The following JAZF1 variants were observed in gnomAD, a reference collection of about 807,000 sequenced individuals.
JAZF1 encodes JAZF zinc finger 1.
A neutral mutation model predicts 26.4 loss-of-function variants in JAZF1; 8 were observed. The observed-to-expected ratio is 0.30, with a 90% CI of 0.18 to 0.55. The LOEUF is 0.55. JAZF1 is among the 20% of genes least tolerant of loss of function. JAZF1 has a pLI of 0.94. For missense variants in JAZF1, 199 were observed against 322.0 expected, an observed-to-expected ratio of 0.62 and a Z score of 2.92; for synonymous variants, 126 against 122.3, an observed-to-expected ratio of 1.03 and a Z score of -0.20.
intron 1 of JAZF1, among the ~76,000 whole-genome samples, chr7:28,136,668 CAG>C (rs1782891050): frequency 6.6e-6 from 1 of 152,226 alleles, no homozygotes; most frequent in Non-Finnish European, 1.5e-5. Flanking sequence ...AGATGAATAA[CAG>C]AGTCTTTGTC....
At chr7:27,927,412 C>G (rs934167493) in intron 2 of JAZF1, among the ~76,000 whole-genome samples, 5 of 152,224 alleles carry the variant, frequency 3.3e-5, no homozygotes, top group African/African-American at 1.2e-4. Flanking sequence ...CATCTACTCT[C>G]TGTGACAATG....
At chr7:27,837,552 G>A (rs1433680494) in intron 4 of JAZF1, among the ~76,000 whole-genome samples, 1 of 152,206 alleles carries the variant, frequency 6.6e-6, no homozygotes, top group Non-Finnish European at 1.5e-5. Context: ...TAAGGGAAAT[G>A]GCGCCTCAAT....
chr7:27,848,045 G>T (rs1371602404), intron 3 of JAZF1, among the ~76,000 whole-genome samples: 1 of 152,050 alleles, frequency 6.6e-6, no homozygotes, highest in Non-Finnish European at 1.5e-5. Flanking sequence ...GGTTATTTAG[G>T]GTCTTTGTGG....
At chr7:27,905,963 ATTATTTAT>A (rs1784248913) in intron 2 of JAZF1, among the ~76,000 whole-genome samples, 2 of 152,228 alleles carry the variant, frequency 1.3e-5, no homozygotes, top group Non-Finnish European at 2.9e-5. Context: ...TATATATAGT[ATTATTTAT>A]AACATACTGT....
chr7:27,912,872 A>T (rs1281406112), intron 2 of JAZF1, among the ~76,000 whole-genome samples: 1 of 152,184 alleles, frequency 6.6e-6, no homozygotes, highest in Admixed American at 6.5e-5. Flanking sequence ...GACGGCCAAC[A>T]CAAAGCTCCC....
chr7:27,853,439 A>G (rs1451420228), intron 3 of JAZF1, among the ~76,000 whole-genome samples: 1 of 151,950 alleles, frequency 6.6e-6, no homozygotes, highest in East Asian at 1.9e-4. Context: ...GCATGATCCT[A>G]TCTGAGTGAG....
At chr7:27,907,437 G>A (rs1480254583) in intron 2 of JAZF1, among the ~76,000 whole-genome samples, 1 of 152,162 alleles carries the variant, frequency 6.6e-6, no homozygotes, top group East Asian at 1.9e-4. Context: ...TCTTACATAA[G>A]AGGTAATTTC....
At chr7:27,860,307 A>G (rs1783356560) in intron 3 of JAZF1, among the ~76,000 whole-genome samples, 1 of 152,328 alleles carries the variant, frequency 6.6e-6, no homozygotes, top group African/African-American at 2.4e-5. Context: ...CATTTCACTT[A>G]AAGTGAAAAT....
At chr7:27,845,580 C>T (rs1436199760) in intron 3 of JAZF1, among the ~76,000 whole-genome samples, 1 of 151,660 alleles carries the variant, frequency 6.6e-6, no homozygotes, top group African/African-American at 2.4e-5. Context: ...GCCTGTAATC[C>T]CAGCTACTCA....
intron 1 of JAZF1, among the ~76,000 whole-genome samples, chr7:28,087,776 A>G (rs1294542583): frequency 1.3e-5 from 2 of 152,232 alleles, no homozygotes; most frequent in East Asian, 3.8e-4. Flanking sequence ...TCATTTGTCT[A>G]TATCAAAGAA....
intron 4 of JAZF1, among the ~76,000 whole-genome samples, chr7:27,834,138 T>G (rs1187218082): frequency 6.6e-6 from 1 of 152,172 alleles, no homozygotes; most frequent in Non-Finnish European, 1.5e-5. Flanking sequence ...ATGGGATGCC[T>G]TCAAAGAGCT....
intron 2 of JAZF1, among the ~76,000 whole-genome samples, chr7:27,937,663 G>T (rs1289973044): frequency 6.6e-6 from 1 of 152,132 alleles, no homozygotes; most frequent in Non-Finnish European, 1.5e-5. Flanking sequence ...TTCCCTCTTG[G>T]TTTTATGGAT....
At chr7:27,996,702 G>C (rs1337825525) in intron 1 of JAZF1, among the ~76,000 whole-genome samples, 1 of 152,182 alleles carries the variant, frequency 6.6e-6, no homozygotes, top group Non-Finnish European at 1.5e-5. Context: ...CTGCACCACT[G>C]TGTTCCTAGT....
chr7:27,995,270 G>C (rs1259243713), intron 1 of JAZF1, among the ~76,000 whole-genome samples: 1 of 152,166 alleles, frequency 6.6e-6, no homozygotes, highest in East Asian at 1.9e-4. Context: ...TCAGCAAATG[G>C]TCTATGGAAT....
chr7:28,054,825 G>A (rs1003112753), intron 1 of JAZF1, among the ~76,000 whole-genome samples: 1 of 151,986 alleles, frequency 6.6e-6, no homozygotes, highest in Non-Finnish European at 1.5e-5. Context: ...GGAGGGAGAT[G>A]GACCGGAGAG....
chr7:28,040,112 T>C (rs1783364354), intron 1 of JAZF1, among the ~76,000 whole-genome samples: 1 of 152,218 alleles, frequency 6.6e-6, no homozygotes, highest in African/African-American at 2.4e-5. Flanking sequence ...TTAAAGGGTA[T>C]TCTTTACACA....
intron 1 of JAZF1, among the ~76,000 whole-genome samples, chr7:28,170,800 T>C (rs1389281877): frequency 6.6e-6 from 1 of 152,150 alleles, no homozygotes; most frequent in Non-Finnish European, 1.5e-5. Context: ...TTGTAAAAGA[T>C]CACAACTTAG....
intron 1 of JAZF1, among the ~76,000 whole-genome samples, chr7:27,992,512 A>G (rs781732604): frequency 3.9e-5 from 6 of 152,284 alleles, no homozygotes; most frequent in South Asian, 2.1e-4. Flanking sequence ...TAGACTCTCA[A>G]TCAGAAATTC....
chr7:28,177,970 T>G (rs1783573337), intron 1 of JAZF1, among the ~76,000 whole-genome samples: 1 of 152,224 alleles, frequency 6.6e-6, no homozygotes, highest in Non-Finnish European at 1.5e-5. Flanking sequence ...TATAATAGTT[T>G]GAGCCTCTTC....
Sources: allele counts gnomAD v4.1 joint callset (sites outside exome capture counted in the v4.1 genomes callset), GRCh38; gene constraint gnomAD v4.1.1; transcripts MANE v1.5; gene names NCBI Gene and HGNC (gene_info 2026-07-23, HGNC 2026-07-21).